ZCWPW1: variants seen among roughly 807,000 people sequenced by gnomAD.
ZCWPW1 encodes the protein zinc finger CW-type and PWWP domain containing 1.
Under a neutral mutation model 81.3 loss-of-function variants are expected in ZCWPW1, and 56 were observed. The ratio of observed to expected loss-of-function variants is 0.69; its 90% confidence interval spans 0.56 to 0.86. The LOEUF is 0.86. ZCWPW1 is among the 40% of genes least tolerant of loss of function. ZCWPW1 has a pLI of 0.00. For missense variants in ZCWPW1, 650 were observed against 769.8 expected (o/e 0.84, Z 1.84); for synonymous variants, 250 against 273.7 (o/e 0.91, Z 0.86).
chr7:100,406,569 C>A, intron 12 of ZCWPW1, 125 bp downstream of exon 12: 2 of 887,746 alleles, frequency 2.3e-6, no homozygotes, highest in Admixed American at 4.6e-5. Context: ...ATTACCTCAC[C>A]CTTGGCACAC....
intron 7 of ZCWPW1, 65 bp from the exon 8 acceptor site, chr7:100,416,162 G>C: frequency 1.9e-6 from 3 of 1,603,338 alleles, no homozygotes; most frequent in Non-Finnish European, 1.7e-6. Context: ...GATAGTAAAG[G>C]TCAGTGAAAG....
chr7:100,402,350 A>G, intron 16 of ZCWPW1, 166 bp downstream of exon 16: 1 of 886,286 alleles, frequency 1.1e-6, no homozygotes, highest in Admixed American at 1.7e-5. Context: ...CAGTACAGAG[A>G]AGCAAAGGGG....
In ZCWPW1 at chr7:100,406,759, G is replaced by A. The variant is rs1793093501; in HGVS notation, c.1108C>T (p.Arg370Cys). The A allele has an allele frequency of 3.1e-6, 5 of 1,614,144 alleles. No individual in the cohort carries two copies. Among genetic ancestry groups the A allele is most frequent in the African/African-American group, 1.3e-5 (1 of 75,014 alleles). Residue 370 changes from arginine (R) to cysteine (C), a missense_variant, in exon 12 of 18, where the codon CGT (arginine) becomes TGT (cysteine). Transcript: ENST00000684423. ...HVTFFGETVS[R>C]AWIPVNMLKN... Reference sequence around the variant, plus strand: ...AGCATGTTGACTGGGATCCATGCACGAGAAACTGTTTCTCCAAAAAACGTC... The same window carrying A: ...AGCATGTTGACTGGGATCCATGCACAAGAAACTGTTTCTCCAAAAAACGTC...
chr7:100,419,059 G>C (rs758696118), intron 5 of ZCWPW1, 52 bp downstream of exon 5: 2 of 1,470,834 alleles, frequency 1.4e-6, no homozygotes, highest in South Asian at 1.2e-5. Flanking sequence ...CTCCCTCTCA[G>C]GTAACAGTCA....
At chr7:100,414,581 A>G (rs926163465) in intron 8 of ZCWPW1, among the ~76,000 whole-genome samples, 1 of 147,886 alleles carries the variant, frequency 6.8e-6, no homozygotes, top group Non-Finnish European at 1.5e-5. Context: ...CATCCAGCTA[A>G]TTTTTTTTTT....
At chr7:100,410,232 T>G (rs760977024) in intron 8 of ZCWPW1, among the ~76,000 whole-genome samples, 6 of 152,200 alleles carry the variant, frequency 3.9e-5, no homozygotes, top group African/African-American at 7.2e-5. Flanking sequence ...TCTTCCATTG[T>G]GGTCTTGGAA....
chr7:100,419,478 TGA>T, intron 4 of ZCWPW1, 150 bp downstream of exon 4: 1 of 1,393,382 alleles, frequency 7.2e-7, no homozygotes, highest in Non-Finnish European at 9.5e-7. Flanking sequence ...TTGACCTCTT[TGA>T]GAAAAAAAAA....
intron 17 of ZCWPW1, among the ~76,000 whole-genome samples, chr7:100,401,576 A>C (rs1306486804): frequency 7.2e-5 from 11 of 152,202 alleles, no homozygotes; most frequent in Non-Finnish European, 1.0e-4. Context: ...TAAAATGGGA[A>C]TATCCAGTGA....
At chr7:100,402,423 TG>T (rs1792107291) in intron 16 of ZCWPW1, 92 bp downstream of exon 16, 4 of 1,359,774 alleles carry the variant, frequency 2.9e-6, no homozygotes, top group Non-Finnish European at 4.2e-6. Flanking sequence ...GGCACTGAGA[TG>T]GGCAGTGAGG....
chr7:100,422,584 A>C lies in ZCWPW1; in HGVS notation c.-29-1906T>G, dbSNP rs139869966. ...AGCTTTATTTTTATTTTTTCTTTCC[A>C]ACCTTTATTTTACATTCAAGGGGTA... On this transcript the variant is annotated intron_variant, in intron 2 of 17. Coordinates refer to ENST00000684423, the MANE Select transcript of ZCWPW1 (RefSeq NM_001386010.1). 4.0e-3 allele frequency among the ~76,000 whole-genome samples: 604 copies of C among 152,280 alleles called. 5 individuals are homozygous for C. Among genetic ancestry groups the C allele is most frequent in the African/African-American group, 0.014 (578 of 41,562 alleles).
chr7:100,426,311 T>G (rs1248593602), intron 1 of ZCWPW1, among the ~76,000 whole-genome samples: 1 of 152,036 alleles, frequency 6.6e-6, no homozygotes, highest in Admixed American at 6.6e-5. Flanking sequence ...CTGACCAACA[T>G]GGTGAAGCCC....
At position 100,409,602 on chromosome 7, in the gene ZCWPW1, C is replaced by A. The variant is rs1793776422; in HGVS notation, c.755-58G>T. The A allele has an allele frequency of 3.0e-6, 4 of 1,315,590 alleles. No homozygotes were observed. In the South Asian group the frequency reaches 3.7e-5, roughly 12 times the overall value. 81.5% of individuals were successfully genotyped at this position (1,315,590 alleles called of 1,614,324 possible). On this transcript the variant is annotated intron_variant, in intron 8 of 17. Coordinates refer to ENST00000684423, the MANE Select transcript of ZCWPW1 (RefSeq NM_001386010.1). ...AAAAATATGCTCTTCCTTCTTTAAT[C>A]CAACTAAAATCAGGATAACCCTCCC...
At chr7:100,427,492 G>A (rs1418260176) in intron 1 of ZCWPW1, among the ~76,000 whole-genome samples, 1 of 151,788 alleles carries the variant, frequency 6.6e-6, no homozygotes, top group Non-Finnish European at 1.5e-5. Flanking sequence ...CTAAGGTCAG[G>A]AGTTCGAGAC....
intron 1 of ZCWPW1, among the ~76,000 whole-genome samples, chr7:100,426,695 CT>C: frequency 7.3e-6 from 1 of 136,488 alleles, no homozygotes; most frequent in South Asian, 2.5e-4. Flanking sequence ...CCCTCTCTTC[CT>C]TCTTCCCTCC....
chr7:100,408,181 T>C (rs1202271536), intron 10 of ZCWPW1, among the ~76,000 whole-genome samples: 1 of 151,790 alleles, frequency 6.6e-6, no homozygotes, highest in East Asian at 1.9e-4. Context: ...AAACTTGTGG[T>C]CTCAGGTGAT....
chr7:100,404,850 G>A (rs1341173331), intron 13 of ZCWPW1, among the ~76,000 whole-genome samples, 163 bp downstream of exon 13: 1 of 152,112 alleles, frequency 6.6e-6, no homozygotes, highest in African/African-American at 2.4e-5. Flanking sequence ...CATAAAAACT[G>A]ACTCCACAGA....
intron 17 of ZCWPW1, among the ~76,000 whole-genome samples, 171 bp from the exon 18 acceptor site, chr7:100,401,507 A>G (rs936725631): frequency 2.0e-5 from 3 of 152,240 alleles, no homozygotes; most frequent in Non-Finnish European, 2.9e-5. Flanking sequence ...CGTCTGCCCT[A>G]TGCTAGTCAC....
intron 13 of ZCWPW1, among the ~76,000 whole-genome samples, chr7:100,404,699 G>A (rs2130413524): frequency 6.6e-6 from 1 of 152,122 alleles, no homozygotes; most frequent in Middle Eastern, 3.4e-3. Flanking sequence ...TACACATTAG[G>A]CTTATCTGAC....
intron 2 of ZCWPW1, among the ~76,000 whole-genome samples, chr7:100,422,764 T>C (rs1343980889): frequency 6.6e-6 from 1 of 152,190 alleles, no homozygotes; most frequent in Non-Finnish European, 1.5e-5. Context: ...CCAGTGTCTA[T>C]TGTTCCCTTC....
Sources: allele counts gnomAD v4.1 joint callset (sites outside exome capture counted in the v4.1 genomes callset), GRCh38; gene constraint gnomAD v4.1.1; transcripts MANE v1.5; gene names NCBI Gene and HGNC (gene_info 2026-07-23, HGNC 2026-07-21).